MYO1H: variants seen among roughly 807,000 people sequenced by gnomAD.
The protein encoded by MYO1H is myosin IH, also known as unconventional myosin-Ih.
MYO1H carries 118 observed loss-of-function variants against 149.3 expected under a neutral mutation model. That is an observed-to-expected ratio of 0.79 (90% CI 0.68 to 0.92). The LOEUF is 0.92. MYO1H is among the 40% of genes least tolerant of loss of function. The pLI is 0.00. For synonymous variants in MYO1H, 447 were observed against 465.2 expected (o/e 0.96, Z 0.50); for missense variants, 1,212 against 1,280.7 (o/e 0.95, Z 0.82).
At chr12:109,374,694 T>C (rs953277074) in intron 1 of MYO1H, among the ~76,000 whole-genome samples, 2 of 152,180 alleles carry the variant, frequency 1.3e-5, no homozygotes, top group East Asian at 3.8e-4. Context: ...TCCAAAGTAA[T>C]TGTACCAATT....
intron 1 of MYO1H, among the ~76,000 whole-genome samples, chr12:109,368,798 A>G (rs145628699): frequency 6.6e-6 from 1 of 151,810 alleles, no homozygotes; most frequent in Non-Finnish European, 1.5e-5. Context: ...TAGTTTTTCA[A>G]CCCTTTCCCC....
intron 1 of MYO1H, among the ~76,000 whole-genome samples, chr12:109,373,483 A>G (rs1311332019): frequency 1.3e-5 from 2 of 152,148 alleles, no homozygotes; most frequent in Non-Finnish European, 2.9e-5. Context: ...TTGATTTGGT[A>G]AATCTATTAT....
the MYO1H span, among the ~76,000 whole-genome samples, chr12:109,319,265 G>C: frequency 6.6e-6 from 1 of 152,062 alleles, no homozygotes; most frequent in Non-Finnish European, 1.5e-5. Flanking sequence ...GGAAATTCAG[G>C]CACGTGCAAG....
chr12:109,402,760 C>T (rs1255890584), intron 6 of MYO1H, among the ~76,000 whole-genome samples: 3 of 152,082 alleles, frequency 2.0e-5, no homozygotes, highest in African/African-American at 7.2e-5. Flanking sequence ...TTAATTTTCC[C>T]AACAAAGCTG....
At chr12:109,398,741 C>CAG (rs1555251481) in intron 5 of MYO1H, among the ~76,000 whole-genome samples, 2 of 51,994 alleles carry the variant, frequency 3.8e-5, no homozygotes, top group Non-Finnish European at 6.9e-5. Flanking sequence ...AACTTCCTCT[C>CAG]AAAAAAAAAA....
chr12:109,436,500 A>C (rs1871865014), exon 22 of MYO1H: 1 of 1,610,958 alleles, frequency 6.2e-7, no homozygotes, highest in Non-Finnish European at 8.5e-7. Flanking sequence ...GCAAGAATCC[A>C]AGCCACTTAC....
chr12:109,412,989 A>G (rs1255805215), intron 14 of MYO1H, among the ~76,000 whole-genome samples: 84 of 133,264 alleles, frequency 6.3e-4, no homozygotes, highest in African/African-American at 2.5e-3. Flanking sequence ...TGTTATTATT[A>G]TTATTTGAGA....
intron 2 of MYO1H, among the ~76,000 whole-genome samples, chr12:109,390,447 T>A (rs904416769): frequency 1.2e-4 from 18 of 152,050 alleles, no homozygotes; most frequent in African/African-American, 3.6e-4. Flanking sequence ...TATATTAATT[T>A]TTTTTCTATA....
the MYO1H span, among the ~76,000 whole-genome samples, chr12:109,327,795 G>A: frequency 6.1e-5 from 9 of 148,568 alleles, no homozygotes; most frequent in Non-Finnish European, 1.2e-4. Context: ...TCTGCCTGAT[G>A]TGGTGTCTCC....
exon 20 of MYO1H, chr12:109,432,984 C>T (rs751040609): frequency 6.2e-7 from 1 of 1,614,006 alleles, no homozygotes; most frequent in South Asian, 1.1e-5. Context: ...ACATCGGCTA[C>T]AAACCCGAGG....
intron 16 of MYO1H, among the ~76,000 whole-genome samples, chr12:109,423,865 A>G (rs913887619): frequency 9.3e-5 from 14 of 150,632 alleles, no homozygotes; most frequent in Non-Finnish European, 1.6e-4. Context: ...CTGGTAAAGA[A>G]TTAAATATTT....
intron 15 of MYO1H, among the ~76,000 whole-genome samples, chr12:109,418,343 CT>C (rs942485628): frequency 1.5e-4 from 22 of 148,856 alleles, no homozygotes; most frequent in African/African-American, 5.2e-4. Context: ...ATTAGTTTTA[CT>C]TTTTTTTTTC....
intron 20 of MYO1H, among the ~76,000 whole-genome samples, chr12:109,434,302 G>A (rs187509259): frequency 4.6e-5 from 7 of 152,126 alleles, no homozygotes; most frequent in Middle Eastern, 3.4e-3. Flanking sequence ...GAGCCACCGC[G>A]CCCAGCGTGA....
chr12:109,312,382 TTTTGTTTTG>T, the MYO1H span, among the ~76,000 whole-genome samples: 2 of 102,788 alleles, frequency 1.9e-5, no homozygotes, highest in Non-Finnish European at 4.2e-5. Flanking sequence ...CCAGCTAATT[TTTTGTTTTG>T]TTTTGTTTTG....
intron 15 of MYO1H, among the ~76,000 whole-genome samples, chr12:109,418,350 T>C (rs933317644): frequency 7.2e-5 from 11 of 152,152 alleles, no homozygotes; most frequent in East Asian, 1.9e-4. Flanking sequence ...TTACTTTTTT[T>C]TTTCTTTCTT....
intron 27 of MYO1H, 83 bp downstream of exon 27, chr12:109,442,355 C>T: frequency 2.4e-6 from 3 of 1,248,556 alleles, no homozygotes; most frequent in Non-Finnish European, 2.3e-6. Context: ...ATAAAGGGCG[C>T]ACTATTTAAA....
chr12:109,418,304 T>C (rs552719020), intron 15 of MYO1H, among the ~76,000 whole-genome samples: 1 of 152,264 alleles, frequency 6.6e-6, no homozygotes, highest in African/African-American at 2.4e-5. Flanking sequence ...TTCTTCATTT[T>C]CTTTAGTCAC....
intron 1 of MYO1H, among the ~76,000 whole-genome samples, chr12:109,376,267 A>G (rs1257679186): frequency 6.6e-6 from 1 of 152,222 alleles, no homozygotes; most frequent in Non-Finnish European, 1.5e-5. Context: ...ACTGCCTAGC[A>G]CTTGGTAACT....
Position 109,396,826 on chromosome 12 carries a change from T to G in MYO1H, c.489+244T>G, listed in dbSNP as rs1223413413. Among the ~76,000 whole-genome samples, 87 of 126,772 alleles carry G rather than the reference T, an allele frequency of 6.9e-4. 2 individuals are homozygous for G. Among genetic ancestry groups the G allele is most frequent in the African/African-American group, 2.3e-3 (77 of 33,720 alleles). 83.2% of individuals were successfully genotyped at this position (126,772 alleles called of 152,430 possible). A position where few individuals can be genotyped will look rare whatever the true frequency, so the allele number is the denominator to read the frequency against. ...TTGTTTTGGTTTCGTTTTTTTTTTT[T>G]TTTTTTTTTTTTTTTTTTGAGACGG... On this transcript the variant is annotated intron_variant, in intron 4 of 31. Transcript: ENST00000310903.
Sources: allele counts gnomAD v4.1 joint callset (sites outside exome capture counted in the v4.1 genomes callset), GRCh38; gene constraint gnomAD v4.1.1; transcripts MANE v1.5; gene names NCBI Gene and HGNC (gene_info 2026-07-23, HGNC 2026-07-21).